MBD1: variants seen among roughly 807,000 people sequenced by gnomAD.
MBD1 encodes methyl-CpG-binding domain protein 1.
In MBD1, 25 loss-of-function variants were observed where a neutral mutation model predicts 82.6. The observed-to-expected ratio is 0.30, with a 90% CI of 0.22 to 0.42. The LOEUF (loss-of-function observed/expected upper bound fraction) is 0.42, where lower values mean the gene tolerates loss of function less well. Among genes scored for constraint, MBD1 ranks in the 10% least tolerant of loss-of-function variants. MBD1 has a pLI of 1.00. For missense variants in MBD1, 627 were observed against 819.6 expected, an observed-to-expected ratio of 0.76 and a Z score of 2.87; for synonymous variants, 301 against 303.7, an observed-to-expected ratio of 0.99 and a Z score of 0.09.
chr18:50,267,772 TATA>T (rs2034085319), downstream of MBD1: 14 of 724,774 alleles, frequency 1.9e-5, no homozygotes, highest in Non-Finnish European at 2.9e-5. Context: ...CAAACTGACA[TATA>T]ATAAGTACAA....
At chr18:50,280,946 A>G (rs982192444) in intron 1 of MBD1, among the ~76,000 whole-genome samples, 1 of 151,878 alleles carries the variant, frequency 6.6e-6, no homozygotes, top group Non-Finnish European at 1.5e-5. Flanking sequence ...CTGATCCCCT[A>G]CTGCTCCTCG....
chr18:50,276,764 T>A lies in MBD1; in HGVS notation c.393-20A>T. ...CAGCACCTGGGATGGGAAAGGCAGG[T>A]GTGGGGCTCCAAGAGCACCCCCAAT... On this transcript the variant is annotated intron_variant, in intron 4 of 16. Coordinates refer to ENST00000269468, the MANE Select transcript of MBD1 (RefSeq NM_015846.4). The A allele has an allele frequency of 5.6e-6, 9 of 1,613,992 alleles. No homozygotes were observed. Among genetic ancestry groups the A allele is most frequent in the Non-Finnish European group, 7.6e-6 (9 of 1,179,868 alleles).
At chr18:50,281,294 T>C in intron 1 of MBD1, 69 bp downstream of exon 1, 1 of 1,402,804 alleles carries the variant, frequency 7.1e-7, no homozygotes, top group Non-Finnish European at 9.7e-7. Flanking sequence ...CCCGTCAGCG[T>C]TCTGAGCCAC....
At chr18:50,277,319 C>T (rs998507136) in intron 2 of MBD1, 115 bp from the exon 3 acceptor site, 10 of 611,402 alleles carry the variant, frequency 1.6e-5, no homozygotes, top group African/African-American at 1.2e-4. Flanking sequence ...GGCTTGTGAG[C>T]CCTGCCCAGC....
intron 6 of MBD1, 43 bp downstream of exon 6, chr18:50,276,335 G>T: frequency 6.3e-7 from 1 of 1,593,370 alleles, no homozygotes; most frequent in Non-Finnish European, 8.6e-7. Context: ...ATCACATCCT[G>T]CTCCCACTGC....
intron 1 of MBD1, among the ~76,000 whole-genome samples, chr18:50,280,561 T>G (rs537646174): frequency 3.9e-4 from 59 of 152,084 alleles, no homozygotes; most frequent in African/African-American, 1.4e-3. Flanking sequence ...TGATGTCCTC[T>G]TATCCTGCTA....
chr18:50,278,433 C>G (rs1013621761), intron 2 of MBD1, among the ~76,000 whole-genome samples: 7 of 152,156 alleles, frequency 4.6e-5, no homozygotes, highest in African/African-American at 1.7e-4. Context: ...CTACAAAATT[C>G]TGACAAATTC....
In MBD1 at chr18:50,277,081, G is replaced by C; in HGVS notation, c.225+9C>G. 6.2e-7 allele frequency: 1 copy of C among 1,613,848 alleles called. No individual in the cohort carries two copies. The highest frequency in any genetic ancestry group is 8.5e-7 in the Non-Finnish European group (1 of 1,179,680). ...CACCCCTACCTAGGTATCTCATGTT[G>C]TGAAGTACCTTGGGGGCTGGATAGC... is the stretch of plus-strand genomic sequence containing the variant. On this transcript the variant is annotated intron_variant, in intron 3 of 16. Transcript: ENST00000269468.
chr18:50,270,089 G>C, intron 16 of MBD1: 1 of 1,598,016 alleles, frequency 6.3e-7, no homozygotes, highest in Non-Finnish European at 8.5e-7. Context: ...TTGGTTCCTG[G>C]GGGAAACAAA....
In MBD1 at chr18:50,281,374, C is replaced by T; in HGVS notation, c.-37G>A. The T allele has an allele frequency of 1.3e-6, 1 of 754,912 alleles. No homozygotes were observed. The highest frequency in any genetic ancestry group is 2.2e-6 in the Non-Finnish European group (1 of 447,398). 46.8% of individuals were successfully genotyped at this position (754,912 alleles called of 1,614,324 possible). A position where few individuals can be genotyped will look rare whatever the true frequency, so the allele number is the denominator to read the frequency against. The stretch of plus-strand genomic sequence containing the variant: ...CAAGGCTGTCTCACCAGTTTGGCAC[C>T]AGGCCGGTATCTTCCGCCACTCTAG... On this transcript the variant is annotated 5_prime_UTR_variant, in exon 1 of 17. Transcript: ENST00000269468.
chr18:50,281,328 A>G, intron 1 of MBD1, 35 bp downstream of exon 1: 1 of 1,121,348 alleles, frequency 8.9e-7, no homozygotes, highest in South Asian at 1.3e-5. Flanking sequence ...CCTCCGCCTG[A>G]GCGCTCTCCA....
In MBD1 at chr18:50,272,914, A is replaced by T. The variant is rs376103296; in HGVS notation, c.1626T>A (p.Pro542=). ...PGLPSVKQEP[P]DPEEDKEENK... Reference sequence around the variant, plus strand: ...TCTCCTCCTTGTCCTCCTCTGGGTCAGGTGGCTCTTGCTTCACAGAAGGCA... The same window carrying T: ...TCTCCTCCTTGTCCTCCTCTGGGTCTGGTGGCTCTTGCTTCACAGAAGGCA... The change falls in exon 14 of 17, where the codon CCT becomes CCA. Residue 542 remains proline (P), a synonymous_variant. Transcript: ENST00000269468. 1.2e-6 allele frequency: 2 copies of T among 1,614,230 alleles called. No homozygotes were observed. Among genetic ancestry groups the T allele is most frequent in the South Asian group, 2.2e-5 (2 of 91,090 alleles).
At chr18:50,275,487 T>C (rs763992489) in intron 8 of MBD1, 113 bp downstream of exon 8, 10 of 1,597,216 alleles carry the variant, frequency 6.3e-6, no homozygotes, top group African/African-American at 2.7e-5. Context: ...AAGGCGAGCA[T>C]AGGGTTAGGC....
Position 50,277,162 on chromosome 18 carries a change from T to C in MBD1, c.153A>G (p.Arg51=), listed in dbSNP as rs759956097. ...DRIRSKVELT[R]YLGPACDLTL... ...TGAGATCACACGCAGGGCCCAGGTA[T>C]CGAGTCAGCTCAACTTTGCTTCGGA... The change falls in exon 3 of 17, where the codon CGA becomes CGG. Residue 51 remains arginine, a synonymous_variant. Transcript: ENST00000269468. 2 of 1,614,094 alleles carry C rather than the reference T, an allele frequency of 1.2e-6. No homozygotes were observed. The highest frequency in any genetic ancestry group is 2.7e-5 in the African/African-American group (2 of 74,928).
Position 50,273,866 on chromosome 18 carries a change from A to T in MBD1, c.1147-3T>A, listed in dbSNP as rs922608119. On this transcript the variant is annotated splice_region_variant and splice_polypyrimidine_tract_variant and intron_variant, in intron 11 of 16. Coordinates refer to ENST00000269468, the MANE Select transcript of MBD1 (RefSeq NM_015846.4). ...CAGACACTGGGCAGCAGCCGCTTCTATGGGGAAAGATAGGGTGCTATGGCT... is the reference window on the plus strand; with the variant it reads ...CAGACACTGGGCAGCAGCCGCTTCTTTGGGGAAAGATAGGGTGCTATGGCT... 1 of 1,611,870 alleles carries T rather than the reference A, an allele frequency of 6.2e-7. No individual in the cohort carries two copies. Among genetic ancestry groups the T allele is most frequent in the Non-Finnish European group, 8.5e-7 (1 of 1,179,916 alleles).
intron 13 of MBD1, 146 bp downstream of exon 13, chr18:50,273,188 T>C (rs983085169): frequency 6.9e-6 from 9 of 1,310,902 alleles, no homozygotes; most frequent in Non-Finnish European, 9.6e-6. Flanking sequence ...AGGTAGGGTG[T>C]CTGTTAGACA....
chr18:50,278,427 A>G (rs2038923656), intron 2 of MBD1, among the ~76,000 whole-genome samples: 1 of 152,224 alleles, frequency 6.6e-6, no homozygotes. Context: ...CAGCATCTAC[A>G]AAATTCTGAC....
intron 5 of MBD1, 53 bp downstream of exon 5, chr18:50,276,609 G>A: frequency 1.3e-6 from 2 of 1,587,726 alleles, no homozygotes; most frequent in South Asian, 1.1e-5. Flanking sequence ...GCATGACACT[G>A]GACCTGCTCC....
chr18:50,275,935 C>G lies in MBD1; in HGVS notation c.563G>C (p.Cys188Ser). 6.2e-7 allele frequency: 1 copy of G among 1,613,960 alleles called. No homozygotes were observed. The highest frequency in any genetic ancestry group is 2.2e-5 in the East Asian group (1 of 44,886). The change falls in exon 7 of 17, where the codon TGT becomes TCT. Residue 188 changes from cysteine (C) to serine (S), a missense_variant. Physicochemically the swap from Cys to Ser is moderately radical, Grantham distance 112. This residue lies in a region of MBD1 where 228 missense variants were observed against 318.1 expected (regional missense o/e 0.72). Transcript: ENST00000269468. Reference protein sequence around the residue: ...ECAACQVTEDCGACSTCLLQL... With the variant: ...ECAACQVTEDSGACSTCLLQL... ...CAGGAGGCAGGTGGAGCAGGCCCCA[C>G]AGTCTTCTGTTACCTGGCAGGCTGC...
Sources: gnomAD v4.1 joint callset for allele counts (sites outside exome capture counted in the v4.1 genomes callset) on GRCh38, gnomAD v4.1.1 for gene constraint, gnomAD v4.1.1 regional missense constraint, MANE v1.5 for transcripts, NCBI Gene and HGNC (gene_info 2026-07-23, HGNC 2026-07-21) for gene names.